Variants in IFNGR2 observed in about 807,000 individuals in gnomAD.
The protein encoded by IFNGR2 is interferon gamma receptor 2.
In IFNGR2, 15 loss-of-function variants were observed where a neutral mutation model predicts 41.1. The ratio of observed to expected loss-of-function variants is 0.37; its 90% confidence interval spans 0.24 to 0.56. The LOEUF is 0.56. Among genes scored for constraint, IFNGR2 ranks in the 20% least tolerant of loss-of-function variants. The pLI is 0.81. For synonymous variants in IFNGR2, 161 were observed against 171.6 expected (o/e 0.94, Z 0.48); for missense variants, 362 against 415.7 (o/e 0.87, Z 1.12).
chr21:33,413,022 C>T (rs1568951974), intron 1 of IFNGR2, among the ~76,000 whole-genome samples: 1 of 145,022 alleles, frequency 6.9e-6, no homozygotes, highest in Non-Finnish European at 1.5e-5. Context: ...GTCTGGGCGT[C>T]AGTTTCCCTG....
Position 33,408,416 on chromosome 21 carries a change from G to C in IFNGR2, c.73+4800G>C, listed in dbSNP as rs995328773. ...TCACCACGTTGGTCAGGCTGGTCTCGAACTCCTGACCTTAAGTGATCTGCC... is the reference window on the plus strand; with the variant it reads ...TCACCACGTTGGTCAGGCTGGTCTCCAACTCCTGACCTTAAGTGATCTGCC... On this transcript the variant is annotated intron_variant, in intron 1 of 6. Coordinates refer to ENST00000290219, the MANE Select transcript of IFNGR2 (RefSeq NM_005534.4). 2.0e-5 allele frequency among the ~76,000 whole-genome samples: 3 copies of C among 151,992 alleles called. No homozygotes were observed. In the East Asian group the frequency reaches 5.8e-4, roughly 29 times the overall value.
chr21:33,405,168 T>G (rs1016167838), intron 1 of IFNGR2, among the ~76,000 whole-genome samples: 3 of 151,670 alleles, frequency 2.0e-5, no homozygotes, highest in African/African-American at 7.3e-5. Flanking sequence ...GGCTAGAACA[T>G]TCTTGTGTAT....
chr21:33,412,915 C>T (rs1433234538), intron 1 of IFNGR2, among the ~76,000 whole-genome samples: 3 of 152,174 alleles, frequency 2.0e-5, no homozygotes, highest in African/African-American at 4.8e-5. Context: ...CTTAGACTCT[C>T]CAATAAATCT....
At chr21:33,433,528 C>T (rs1425496607) in intron 6 of IFNGR2, among the ~76,000 whole-genome samples, 2 of 152,156 alleles carry the variant, frequency 1.3e-5, no homozygotes, top group Non-Finnish European at 2.9e-5. Flanking sequence ...AGGATACTGT[C>T]TGCTTCCACT....
Position 33,437,502 on chromosome 21 carries a change from T to G in IFNGR2, c.*540T>G, listed in dbSNP as rs1163955000. 1 of 153,566 alleles carries G rather than the reference T, an allele frequency of 6.5e-6. No individual in the cohort carries two copies. Among genetic ancestry groups the G allele is most frequent in the Non-Finnish European group, 1.4e-5 (1 of 68,984 alleles). The allele number at this position is 153,566 out of a possible 1,614,324, so 9.5% of individuals were successfully genotyped here. A position where few individuals can be genotyped will look rare whatever the true frequency, so the allele number is the denominator to read the frequency against. On this transcript the variant is annotated 3_prime_UTR_variant, in exon 7 of 7. Coordinates refer to ENST00000290219, the MANE Select transcript of IFNGR2 (RefSeq NM_005534.4). ...AAACTGGAAATAAAAGATTGTATAG[T>G]GCATGTTTTTTAAAGTCTATGTGAA...
At chr21:33,411,091 C>A (rs1457140719) in intron 1 of IFNGR2, among the ~76,000 whole-genome samples, 3 of 152,244 alleles carry the variant, frequency 2.0e-5, no homozygotes, top group Non-Finnish European at 4.4e-5. Context: ...CTTGGCACTT[C>A]CCTGTGGCGT....
At chr21:33,422,574 T>TG (rs764999602) in intron 3 of IFNGR2, among the ~76,000 whole-genome samples, 1 of 151,986 alleles carries the variant, frequency 6.6e-6, no homozygotes, top group Non-Finnish European at 1.5e-5. Flanking sequence ...AATAAAAAAT[T>TG]GGGGGAATAA....
intron 4 of IFNGR2, among the ~76,000 whole-genome samples, chr21:33,430,134 G>A (rs1410134985): frequency 2.0e-5 from 3 of 151,546 alleles, no homozygotes; most frequent in Non-Finnish European, 4.4e-5. Context: ...GCAAGACTCC[G>A]TCTCAAAAAA....
chr21:33,414,852 C>T (rs748224850), intron 1 of IFNGR2, 36 bp from the exon 2 acceptor site: 23 of 1,589,058 alleles, frequency 1.4e-5, no homozygotes, highest in Non-Finnish European at 1.9e-5. Context: ...CTCTCTCCTC[C>T]CTTCCTCCCT....
Position 33,413,935 on chromosome 21 carries a change from C to T in IFNGR2, c.74-953C>T, listed in dbSNP as rs904848467. Among the ~76,000 whole-genome samples, 4 of 143,572 alleles carry T rather than the reference C, an allele frequency of 2.8e-5. No homozygotes were observed. The Admixed American group carries it at 2.9e-4, about 11-fold the overall frequency. The allele number at this position is 143,572 out of a possible 152,430, so 94.2% of individuals were successfully genotyped here. ...GCAACCTCTGCCTCCTGGGTTCAAG[C>T]GATTCTCCTGCCTCAGCCTCCTGAG... On this transcript the variant is annotated intron_variant, in intron 1 of 6. Transcript: ENST00000290219.
chr21:33,415,129 CG>C, intron 2 of IFNGR2, 109 bp downstream of exon 2: 6 of 1,318,666 alleles, frequency 4.6e-6, no homozygotes, highest in East Asian at 2.3e-5. Flanking sequence ...TTATCAAACC[CG>C]TGGGAAACAC....
rs2083958809 is a variant in IFNGR2 at position 33,436,851 on chromosome 21, C to T, written c.903C>T (p.Pro301=). The T allele has an allele frequency of 6.2e-7, 1 of 1,614,086 alleles. No individual in the cohort carries two copies. The highest frequency in any genetic ancestry group is 1.3e-5 in the African/African-American group (1 of 75,046). Residue 301 remains proline (P), a synonymous_variant, in exon 7 of 7, where the codon CCC becomes CCT. Transcript: ENST00000290219. The part of the protein sequence containing the change: ...IEEYLKDPTQ[P]ILEALDKDSS... Reference sequence around the variant, plus strand: ...AGTATTTAAAAGACCCAACTCAGCCCATCTTAGAGGCCTTGGACAAGGACA... The same window carrying T: ...AGTATTTAAAAGACCCAACTCAGCCTATCTTAGAGGCCTTGGACAAGGACA...
intron 1 of IFNGR2, 77 bp downstream of exon 1, chr21:33,403,693 T>G (rs1417837979): frequency 2.6e-4 from 183 of 700,190 alleles, no homozygotes; most frequent in East Asian, 7.4e-4. Flanking sequence ...TCCCGGATCG[T>G]GGGGTGGGGG....
At chr21:33,418,982 A>G (rs2083772152) in intron 2 of IFNGR2, among the ~76,000 whole-genome samples, 1 of 152,214 alleles carries the variant, frequency 6.6e-6, no homozygotes. Flanking sequence ...TGATTTTAAT[A>G]GCAATCCATG....
At chr21:33,404,843 G>C (rs1233530894) in intron 1 of IFNGR2, among the ~76,000 whole-genome samples, 1 of 152,142 alleles carries the variant, frequency 6.6e-6, no homozygotes, top group African/African-American at 2.4e-5. Flanking sequence ...AAAACCAAAA[G>C]AAACCCAGGC....
At chr21:33,433,857 C>A (rs904023952) in intron 6 of IFNGR2, among the ~76,000 whole-genome samples, 1 of 151,748 alleles carries the variant, frequency 6.6e-6, no homozygotes, top group African/African-American at 2.4e-5. Context: ...CTGCAGTAGA[C>A]CCCTCTCCGA....
chr21:33,415,297 A>C (rs1175093803), intron 2 of IFNGR2, among the ~76,000 whole-genome samples: 1 of 152,190 alleles, frequency 6.6e-6, no homozygotes, highest in Non-Finnish European at 1.5e-5. Context: ...TTTCAGGAGA[A>C]AGGTTGTAAA....
At chr21:33,423,430 T>G (rs2083811444) in intron 3 of IFNGR2, among the ~76,000 whole-genome samples, 3 of 152,072 alleles carry the variant, frequency 2.0e-5, no homozygotes, top group Admixed American at 1.3e-4. Flanking sequence ...TCTTGCACTG[T>G]CGCCCAGGCT....
Position 33,417,845 on chromosome 21 carries a change from A to G in IFNGR2, c.206+2825A>G, listed in dbSNP as rs185394809. Among the ~76,000 whole-genome samples, 8 of 152,148 alleles carry G rather than the reference A, an allele frequency of 5.3e-5. No individual in the cohort carries two copies. The East Asian group carries it at 1.4e-3, about 26-fold the overall frequency. On this transcript the variant is annotated intron_variant, in intron 2 of 6. Transcript: ENST00000290219. ...GCTCCTTGGCCTTGAACAAGGAAGT[A>G]CGTTTACTGATTTTCAGAGGAGATG...
Sources: allele counts gnomAD v4.1 joint callset (sites outside exome capture counted in the v4.1 genomes callset), GRCh38; gene constraint gnomAD v4.1.1; transcripts MANE v1.5; gene names NCBI Gene and HGNC (gene_info 2026-07-23, HGNC 2026-07-21).